Variants in KRT77 observed in about 807,000 individuals in gnomAD.
The protein encoded by KRT77 is keratin, type II cytoskeletal 1b.
Under a neutral mutation model 51.5 loss-of-function variants are expected in KRT77, and 44 were observed. The ratio of observed to expected loss-of-function variants is 0.85; its 90% CI spans 0.67 to 1.10. KRT77 has a LOEUF of 1.10. Ranked by LOEUF, KRT77 falls within the 50% of genes least tolerant of loss-of-function variation. The pLI is 0.00. For missense variants in KRT77, 763 were observed against 743.9 expected, an observed-to-expected ratio of 1.03 and a Z score of -0.30; for synonymous variants, 293 against 302.0, an observed-to-expected ratio of 0.97 and a Z score of 0.31.
chr12:52,696,277 C>A, intron 3 of KRT77, 93 bp downstream of exon 3: 2 of 1,245,804 alleles, frequency 1.6e-6, no homozygotes, highest in East Asian at 4.6e-5. Context: ...GTAGAGGCCA[C>A]CCTGCCGTTG....
intron 6 of KRT77, 54 bp from the exon 7 acceptor site, chr12:52,692,695 C>A: frequency 1.3e-6 from 2 of 1,595,734 alleles, no homozygotes; most frequent in Non-Finnish European, 1.7e-6. Flanking sequence ...AGAGCTCGAT[C>A]TGGCAGGGCA....
intron 1 of KRT77, 66 bp from the exon 2 acceptor site, chr12:52,697,962 C>A (rs988884673): frequency 1.3e-6 from 2 of 1,495,008 alleles, no homozygotes; most frequent in African/African-American, 1.4e-5. Flanking sequence ...TAAGTAGGAG[C>A]ATCCATACCC....
At chr12:52,695,745 G>A (rs769049109) in intron 4 of KRT77, 27 bp downstream of exon 4, 19 of 1,499,410 alleles carry the variant, frequency 1.3e-5, no homozygotes, top group Non-Finnish European at 1.5e-5. Context: ...AGAAAAGAAA[G>A]GAGGTTCTTA....
chr12:52,697,303 C>T (rs559870550), intron 2 of KRT77, among the ~76,000 whole-genome samples: 1 of 152,040 alleles, frequency 6.6e-6, no homozygotes, highest in South Asian at 2.1e-4. Flanking sequence ...AGTCTGAGAA[C>T]CACAGATCTA....
rs1941678475 is a variant in KRT77 at position 52,689,712 on chromosome 12, A to C, written c.*1453T>G. ...CTTTGAACCAGGAAATGATGAAGTC[A>C]CAAGAACAGCCTAAGAGACCCACAC... On this transcript the variant is annotated 3_prime_UTR_variant, in exon 9 of 9. Transcript: ENST00000341809. 1 of 152,274 alleles carries C rather than the reference A, an allele frequency of 6.6e-6. No homozygotes were observed. Among genetic ancestry groups the C allele is most frequent in the South Asian group, 2.1e-4 (1 of 4,822 alleles). The allele number at this position is 152,274 out of a possible 1,614,324, so 9.4% of individuals were successfully genotyped here.
chr12:52,696,454 C>T (rs777695883), intron 2 of KRT77, 24 bp from the exon 3 acceptor site: 1 of 1,609,702 alleles, frequency 6.2e-7, no homozygotes, highest in African/African-American at 1.3e-5. Flanking sequence ...CAAAGGAGCA[C>T]AGAAAGGCTG....
Position 52,691,035 on chromosome 12 carries a change from A to C in KRT77, c.*130T>G. ...CACCCTGCTTCCCCCATTAGAGTCG[A>C]ATTTATTGGCAAAATTGCTGAGACC... On this transcript the variant is annotated 3_prime_UTR_variant, in exon 9 of 9. Transcript: ENST00000341809. The C allele has an allele frequency of 7.2e-7, 1 of 1,382,034 alleles. No homozygotes were observed. 85.6% of individuals were successfully genotyped at this position (1,382,034 alleles called of 1,614,324 possible).
At chr12:52,691,475 G>T in intron 8 of KRT77, 36 bp from the exon 9 acceptor site, 1 of 1,521,176 alleles carries the variant, frequency 6.6e-7, no homozygotes, top group South Asian at 1.3e-5. Context: ...GGGTCAGAGG[G>T]ACCGGGCAAG....
rs369613865 is a variant in KRT77 at position 52,703,408 on chromosome 12, G to A, written c.27C>T (p.Ser9=). Residue 9 remains serine (S), a synonymous_variant, in exon 1 of 9, where the codon TCC becomes TCT. Coordinates refer to ENST00000341809, the MANE Select transcript of KRT77 (RefSeq NM_175078.3). ...CCCGCCTGCTCATTGAACTAAACGC[G>A]GACTGAGAACTAAATTGGTGGCTCA... is the stretch of plus-strand genomic sequence containing the variant. MSHQFSSQ[S]AFSSMSRRVY... 72 of 1,596,166 alleles carry A rather than the reference G, an allele frequency of 4.5e-5. No individual in the cohort carries two copies. Among genetic ancestry groups the A allele is most frequent in the East Asian group, 3.1e-4 (14 of 44,538 alleles).
In KRT77 at chr12:52,697,743, G is replaced by T; in HGVS notation, c.697C>A (p.Gln233Lys). ...CTGACCTCCGCGTTCTGGCGCATCT[G>T]CTCCGCACTGAGCAAATCCACCTGC... The part of the protein sequence containing the change: ...RRQVDLLSAE[Q>K]MRQNAEVRSM... The change falls in exon 2 of 9, where the codon CAG becomes AAG. Residue 233 changes from glutamine (Q) to lysine (K), a missense_variant. Transcript: ENST00000341809. 6.2e-7 allele frequency: 1 copy of T among 1,614,108 alleles called. No homozygotes were observed. The highest frequency in any genetic ancestry group is 8.5e-7 in the Non-Finnish European group (1 of 1,179,986).
At chr12:52,692,947 G>C in intron 5 of KRT77, 67 bp from the exon 6 acceptor site, 1 of 1,551,588 alleles carries the variant, frequency 6.4e-7, no homozygotes, top group Non-Finnish European at 8.8e-7. Context: ...GGAGGGAGTA[G>C]GTCTGGGCTG....
intron 2 of KRT77, 100 bp downstream of exon 2, chr12:52,697,582 C>A: frequency 1.5e-5 from 3 of 205,178 alleles, no homozygotes; most frequent in Non-Finnish European, 9.6e-6. Flanking sequence ...GCATGCCCCG[C>A]CCCCCACCCT....
chr12:52,696,382 G>A lies in KRT77; in HGVS notation c.807C>T (p.Val269=), dbSNP rs764916108. The change falls in exon 3 of 9, where the codon GTC becomes GTT. Residue 269 remains valine (V), a synonymous_variant. Transcript: ENST00000341809. ...NKRTGSENDF[V]VLKKDVDAAY... is the part of the protein sequence containing the mutation. ...CCCTTTCCCTCACCTTCTTCAGGACGACAAAGTCATTCTCGCTGCCAGTCC... is the reference window on the plus strand; with the variant it reads ...CCCTTTCCCTCACCTTCTTCAGGACAACAAAGTCATTCTCGCTGCCAGTCC... The A allele has an allele frequency of 4.6e-5, 74 of 1,614,118 alleles. No individual in the cohort carries two copies. In the East Asian group the frequency reaches 7.6e-4, roughly 17 times the overall value.
Position 52,697,916 on chromosome 12 carries a change from G to C in KRT77, c.544-20C>G. The C allele has an allele frequency of 1.2e-6, 2 of 1,608,154 alleles. No homozygotes were observed. Among genetic ancestry groups the C allele is most frequent in the Non-Finnish European group, 1.7e-6 (2 of 1,175,272 alleles). ...TCGCACCTAAGAGCAAGAGACCCCA[G>C]TCCACCCCAGGCCATGGATCAGAGC... is the stretch of plus-strand genomic sequence containing the variant. On this transcript the variant is annotated intron_variant, in intron 1 of 8. Coordinates refer to ENST00000341809, the MANE Select transcript of KRT77 (RefSeq NM_175078.3).
rs547587902 is a variant in KRT77 at position 52,701,042 on chromosome 12, G to A, written c.543+1850C>T. On this transcript the variant is annotated intron_variant, in intron 1 of 8. Transcript: ENST00000341809. ...GGCCATGCCCTTCGAAGGACAGGAGGCCCAGGTCTCTTGCACCCTAGCCTC... is the reference window on the plus strand; with the variant it reads ...GGCCATGCCCTTCGAAGGACAGGAGACCCAGGTCTCTTGCACCCTAGCCTC... Among the ~76,000 whole-genome samples the A allele has an allele frequency of 2.6e-5, 4 of 152,306 alleles. No homozygotes were observed. The East Asian group carries it at 7.7e-4, about 29-fold the overall frequency.
intron 1 of KRT77, among the ~76,000 whole-genome samples, chr12:52,699,680 C>T (rs887287113): frequency 1.3e-5 from 2 of 152,252 alleles, no homozygotes; most frequent in African/African-American, 4.8e-5. Context: ...GCCCAGCAAA[C>T]TCCTGCTCAT....
chr12:52,691,162 C>G lies in KRT77; in HGVS notation c.*3G>C, dbSNP rs113232993. On this transcript the variant is annotated 3_prime_UTR_variant, in exon 9 of 9. Coordinates refer to ENST00000341809, the MANE Select transcript of KRT77 (RefSeq NM_175078.3). The stretch of plus-strand genomic sequence containing the variant: ...GGCGTGATGTGTGGCAGAAACGAGG[C>G]CTCTACTCCAAGATCCGCCTGTGGG... The G allele has an allele frequency of 3.4e-3, 5,479 of 1,613,960 alleles. 166 individuals carry two copies. The African/African-American group carries it at 0.065, about 19-fold the overall frequency.
chr12:52,700,953 C>G (rs1592275232), intron 1 of KRT77, among the ~76,000 whole-genome samples: 1 of 152,182 alleles, frequency 6.6e-6, no homozygotes, highest in African/African-American at 2.4e-5. Context: ...GTCATAGAAG[C>G]CTTCTTCCTT....
At chr12:52,699,434 T>G (rs1312265795) in intron 1 of KRT77, among the ~76,000 whole-genome samples, 1 of 152,246 alleles carries the variant, frequency 6.6e-6, no homozygotes. Context: ...AGAGTCTGGA[T>G]GCAGGGAGTG....
Sources: allele counts gnomAD v4.1 joint callset (sites outside exome capture counted in the v4.1 genomes callset), GRCh38; gene constraint gnomAD v4.1.1; transcripts MANE v1.5; gene names NCBI Gene and HGNC (gene_info 2026-07-23, HGNC 2026-07-21).